The following DMD variants were observed in gnomAD, a reference collection of about 807,000 sequenced individuals.
DMD encodes dystrophin.
A neutral mutation model predicts 330.1 loss-of-function variants in DMD; 63 were observed. That is an observed-to-expected ratio of 0.19 (90% CI 0.16 to 0.24). The LOEUF is 0.24. Ranked by LOEUF, DMD falls within the 10% of genes least tolerant of loss-of-function variation. DMD has a pLI of 1.00. For synonymous variants in DMD, 1,223 were observed against 959.8 expected (o/e 1.27, Z -5.07); for missense variants, 3,344 against 2,684.1 (o/e 1.25, Z -5.43).
intron 47 of DMD, among the ~76,000 whole-genome samples, chrX:31,891,350 T>C (rs1180545472): frequency 9.0e-6 from 1 of 111,631 alleles, no homozygotes; most frequent in African/African-American, 3.3e-5. Context: ...TTGATTTCTC[T>C]GGAAACAATA....
intron 55 of DMD, among the ~76,000 whole-genome samples, chrX:31,610,280 A>G (rs896822257): frequency 8.9e-6 from 1 of 112,427 alleles, no homozygotes; most frequent in African/African-American, 3.2e-5. Flanking sequence ...TCAGAATAAA[A>G]TAATCTTCTT....
chrX:32,448,030 T>G (rs893328589), intron 27 of DMD, among the ~76,000 whole-genome samples: 1 of 110,737 alleles, frequency 9.0e-6, no homozygotes, highest in African/African-American at 3.3e-5. Flanking sequence ...AAAACATACT[T>G]CTCTACAGAA....
At position 32,486,971 on chromosome X, in the gene DMD, C is replaced by G. The variant is rs186528807; in HGVS notation, c.2623-1872G>C. ...GACTTCATGTCCAAAACACCAAAAG[C>G]AATGGCAACAAAAGACAAATTGACA... is the stretch of plus-strand genomic sequence containing the variant. On this transcript the variant is annotated intron_variant, in intron 20 of 78. Transcript: ENST00000357033. Among the ~76,000 whole-genome samples, 3 of 110,686 alleles carry G rather than the reference C, an allele frequency of 2.7e-5. No homozygotes were observed. In the Admixed American group the frequency reaches 2.9e-4, roughly 11 times the overall value.
At chrX:31,274,691 T>C (rs2051953491) in intron 62 of DMD, among the ~76,000 whole-genome samples, 1 of 112,496 alleles carries the variant, frequency 8.9e-6, no homozygotes, top group Non-Finnish European at 1.9e-5. Flanking sequence ...CCAAGAATGT[T>C]TTTTATGTGC....
At chrX:32,783,298 A>G (rs2075037683) in intron 7 of DMD, among the ~76,000 whole-genome samples, 1 of 100,223 alleles carries the variant, frequency 1.0e-5, no homozygotes, top group Admixed American at 1.1e-4. Flanking sequence ...ATACACACAT[A>G]TATGTACACA....
intron 1 of DMD, among the ~76,000 whole-genome samples, chrX:33,136,029 A>G (rs2095524621): frequency 9.0e-6 from 1 of 111,522 alleles, no homozygotes; most frequent in South Asian, 3.7e-4. Flanking sequence ...ATTATAAAAA[A>G]TCAGGCTGGG....
chrX:31,530,093 C>A (rs967395214), intron 55 of DMD, among the ~76,000 whole-genome samples: 2 of 111,309 alleles, frequency 1.8e-5, no homozygotes, highest in Non-Finnish European at 3.8e-5. Flanking sequence ...TATTTCATAC[C>A]TGATATGTAA....
At chrX:32,847,780 T>A (rs1204706692) in intron 3 of DMD, among the ~76,000 whole-genome samples, 2 of 112,399 alleles carry the variant, frequency 1.8e-5, no homozygotes, top group Non-Finnish European at 3.8e-5. Flanking sequence ...GATATTTTGT[T>A]TGATATTTTT....
intron 2 of DMD, among the ~76,000 whole-genome samples, chrX:32,878,883 C>G: frequency 9.2e-6 from 1 of 108,585 alleles, no homozygotes; most frequent in Non-Finnish European, 1.9e-5. Flanking sequence ...TGGCAGGTAC[C>G]TGTAATCCCA....
chrX:33,010,234 A>ACATATGTGTATATATG (rs1569549291), intron 2 of DMD, among the ~76,000 whole-genome samples: 2 of 96,781 alleles, frequency 2.1e-5, no homozygotes, highest in African/African-American at 7.3e-5. Context: ...GTGTGTATAT[A>ACATATGTGTATATATG]TGTACATATG....
intron 47 of DMD, among the ~76,000 whole-genome samples, chrX:31,877,294 C>T (rs2093983132): frequency 8.9e-6 from 1 of 111,894 alleles, no homozygotes; most frequent in East Asian, 2.8e-4. Context: ...TGACCCTAGG[C>T]TCCCACAGCA....
intron 7 of DMD, among the ~76,000 whole-genome samples, chrX:32,710,219 T>G (rs2065065914): frequency 9.1e-6 from 1 of 110,176 alleles, no homozygotes; most frequent in African/African-American, 3.3e-5. Flanking sequence ...CAGCCCAAGG[T>G]CATACAACCA....
In DMD at chrX:32,080,172, G is replaced by C. The variant is rs750635594; in HGVS notation, c.6439-111658C>G. 2.5e-3 allele frequency among the ~76,000 whole-genome samples: 284 copies of C among 112,219 alleles called. 2 individuals carry two copies. The highest frequency in any genetic ancestry group is 4.6e-3 in the Middle Eastern group (1 of 218). ...TGATTCAAATAAAGCAAGGAGACGA[G>C]TAATGCAAGTAATGCCAAGTATGAC... On this transcript the variant is annotated intron_variant, in intron 44 of 78. Coordinates refer to ENST00000357033, the MANE Select transcript of DMD (RefSeq NM_004006.3).
At chrX:32,585,418 G>C (rs1213839481) in intron 13 of DMD, among the ~76,000 whole-genome samples, 2 of 110,942 alleles carry the variant, frequency 1.8e-5, no homozygotes, top group African/African-American at 6.5e-5. Flanking sequence ...TATTGGCCGG[G>C]TGGCCGGGCG....
intron 1 of DMD, among the ~76,000 whole-genome samples, chrX:33,051,807 C>A (rs777748340): frequency 9.2e-6 from 1 of 108,925 alleles, no homozygotes; most frequent in Admixed American, 9.9e-5. Flanking sequence ...TGCCACCACG[C>A]CCAGCTAATT....
intron 55 of DMD, among the ~76,000 whole-genome samples, chrX:31,546,897 G>A (rs1317919184): frequency 8.9e-6 from 1 of 112,499 alleles, no homozygotes; most frequent in African/African-American, 3.2e-5. Flanking sequence ...GTGAATGAAT[G>A]AAGGAATGAA....
intron 53 of DMD, among the ~76,000 whole-genome samples, chrX:31,660,017 A>G (rs976675440): frequency 2.7e-5 from 3 of 112,087 alleles, no homozygotes; most frequent in Admixed American, 9.5e-5. Context: ...AACATATACA[A>G]TCTATATATA....
At chrX:32,850,671 T>C (rs754547634) in intron 2 of DMD, among the ~76,000 whole-genome samples, 2 of 111,801 alleles carry the variant, frequency 1.8e-5, no homozygotes, top group Non-Finnish European at 3.8e-5. Context: ...GTTGCTTCCT[T>C]GTCCTTTTAT....
At chrX:32,901,598 C>T (rs2086250653) in intron 2 of DMD, among the ~76,000 whole-genome samples, 1 of 111,221 alleles carries the variant, frequency 9.0e-6, no homozygotes, top group Non-Finnish European at 1.9e-5. Flanking sequence ...TAGTCATGTG[C>T]TAAATATCAG....
Sources: gnomAD v4.1 joint callset for allele counts (sites outside exome capture counted in the v4.1 genomes callset) on GRCh38, gnomAD v4.1.1 for gene constraint, MANE v1.5 for transcripts, NCBI Gene and HGNC (gene_info 2026-07-23, HGNC 2026-07-21) for gene names.